CRY2: variants seen among roughly 807,000 people sequenced by gnomAD.
CRY2 encodes the protein cryptochrome circadian regulator 2.
A neutral mutation model predicts 69.5 loss-of-function variants in CRY2; 31 were observed. That is an observed-to-expected ratio of 0.45 (90% CI 0.34 to 0.60). CRY2 has a LOEUF of 0.60. Ranked by LOEUF, CRY2 falls within the 20% of genes least tolerant of loss-of-function variation. The pLI is 0.02. For synonymous variants in CRY2, 303 were observed against 312.2 expected (o/e 0.97, Z 0.31); for missense variants, 606 against 797.8 (o/e 0.76, Z 2.90).
chr11:45,866,041 A>C (rs896449156), intron 5 of CRY2, among the ~76,000 whole-genome samples: 4 of 152,228 alleles, frequency 2.6e-5, no homozygotes, highest in Non-Finnish European at 4.4e-5. Context: ...GATTTGGGAA[A>C]TATTTAGGCA....
At chr11:45,849,476 A>G (rs545503560) in intron 1 of CRY2, among the ~76,000 whole-genome samples, 1 of 152,306 alleles carries the variant, frequency 6.6e-6, no homozygotes, top group East Asian at 1.9e-4. Flanking sequence ...TTTACCAACA[A>G]ACAACCATAA....
chr11:45,869,432 T>C, intron 6 of CRY2, 74 bp from the exon 7 acceptor site: 1 of 1,482,060 alleles, frequency 6.7e-7, no homozygotes, highest in Non-Finnish European at 9.1e-7. Flanking sequence ...GATTCCTTTG[T>C]AGAAGAGACC....
intron 11 of CRY2, among the ~76,000 whole-genome samples, chr11:45,878,916 C>T (rs868866294): frequency 1.1e-3 from 89 of 80,824 alleles, no homozygotes; most frequent in African/African-American, 4.5e-3. Flanking sequence ...AAGACTCCAT[C>T]TATTAAAAAA....
intron 1 of CRY2, among the ~76,000 whole-genome samples, chr11:45,854,310 A>G (rs2086221904): frequency 2.6e-5 from 4 of 152,230 alleles, no homozygotes; most frequent in Admixed American, 2.6e-4. Flanking sequence ...TTGCTATTAG[A>G]GAACAGGATT....
At chr11:45,849,498 G>A (rs1413145268) in intron 1 of CRY2, among the ~76,000 whole-genome samples, 9 of 152,144 alleles carry the variant, frequency 5.9e-5, no homozygotes, top group East Asian at 3.8e-4. Flanking sequence ...TTAGTGAAAC[G>A]AAGTGCCATG....
chr11:45,866,946 ACT>A (rs1203535934), intron 5 of CRY2, among the ~76,000 whole-genome samples: 2 of 151,880 alleles, frequency 1.3e-5, no homozygotes, highest in African/African-American at 2.4e-5. Flanking sequence ...CAAGAGCAAA[ACT>A]CTGTCTCAAA....
At chr11:45,864,633 C>T (rs755631410) in intron 5 of CRY2, among the ~76,000 whole-genome samples, 4 of 151,686 alleles carry the variant, frequency 2.6e-5, no homozygotes, top group African/African-American at 7.3e-5. Flanking sequence ...TTTGGGAGGC[C>T]GAGGCAGGTG....
Position 45,861,042 on chromosome 11 carries a change from TC to T in CRY2, c.652+12del, listed in dbSNP as rs1353969219. On this transcript the variant is annotated intron_variant, in intron 4 of 11. Coordinates refer to ENST00000616080, the MANE Select transcript of CRY2 (RefSeq NM_021117.5). Reference sequence around the variant, plus strand: ...TCCCTGGAGGAGCTGGGTGCGTACTTCCTGCCCAGAGCCACTTGTGCTGGTG... The same window carrying T: ...TCCCTGGAGGAGCTGGGTGCGTACTTCTGCCCAGAGCCACTTGTGCTGGTG... 1 of 1,607,506 alleles carries T rather than the reference TC, an allele frequency of 6.2e-7. No homozygotes were observed. Among genetic ancestry groups the T allele is most frequent in the Admixed American group, 1.7e-5 (1 of 59,732 alleles).
At chr11:45,847,370 G>A, upstream of CRY2, 1 of 1,599,546 alleles carries the variant, frequency 6.3e-7, no homozygotes, top group Non-Finnish European at 8.5e-7. Context: ...GGGGCTCTGG[G>A]GCCCTGTGGG....
chr11:45,870,505 C>T lies in CRY2; in HGVS notation c.1522C>T (p.Gln508Ter), dbSNP rs1218096020. The T allele has an allele frequency of 6.2e-7, 1 of 1,614,170 alleles. No homozygotes were observed. Among genetic ancestry groups the T allele is most frequent in the East Asian group, 2.2e-5 (1 of 44,884 alleles). Residue 508 changes from glutamine (Q) to a stop codon, truncating the protein, a stop_gained, in exon 9 of 12, where the codon CAG becomes TAG. Coordinates refer to ENST00000616080, the MANE Select transcript of CRY2 (RefSeq NM_021117.5). LOFTEE classifies it high-confidence loss of function. The stretch of plus-strand genomic sequence containing the variant: ...CATTGAACGAATGAAGCAGATTTAC[C>T]AGCAGCTTTCGCGCTACCGGGGACT... ...LNIERMKQIY[Q>*]QLSRYRGLCL...
chr11:45,848,963 A>G (rs143458409), intron 1 of CRY2, among the ~76,000 whole-genome samples: 1 of 152,236 alleles, frequency 6.6e-6, no homozygotes, highest in East Asian at 1.9e-4. Context: ...AGTTTTCTAC[A>G]GATAGGAGGT....
intron 11 of CRY2, among the ~76,000 whole-genome samples, chr11:45,876,711 A>C (rs1332510703): frequency 6.6e-6 from 1 of 152,232 alleles, no homozygotes; most frequent in Non-Finnish European, 1.5e-5. Context: ...CTGACTGGGT[A>C]GATCATCGAG....
Position 45,862,161 on chromosome 11 carries a change from T to G in CRY2, c.741+13T>G. ...CTTGGAACGGAAGGTATGGGCCGTT[T>G]CTGAGACACAGAGCTGCAGATACTG... is the stretch of plus-strand genomic sequence containing the variant. On this transcript the variant is annotated intron_variant, in intron 5 of 11. Coordinates refer to ENST00000616080, the MANE Select transcript of CRY2 (RefSeq NM_021117.5). 6.2e-7 allele frequency: 1 copy of G among 1,610,750 alleles called. No individual in the cohort carries two copies. The highest frequency in any genetic ancestry group is 1.1e-5 in the South Asian group (1 of 90,672).
At chr11:45,862,173 A>G (rs2086293414) in intron 5 of CRY2, 25 bp downstream of exon 5, 11 of 1,602,602 alleles carry the variant, frequency 6.9e-6, no homozygotes, top group Non-Finnish European at 9.4e-6. Flanking sequence ...TGAGACACAG[A>G]GCTGCAGATA....
intron 2 of CRY2, among the ~76,000 whole-genome samples, chr11:45,856,634 A>C (rs561233787): frequency 6.6e-6 from 1 of 152,264 alleles, no homozygotes; most frequent in Admixed American, 6.5e-5. Flanking sequence ...GTCTCTACTA[A>C]AAATACAAAA....
intron 1 of CRY2, among the ~76,000 whole-genome samples, chr11:45,854,383 T>G (rs186909719): frequency 1.3e-5 from 2 of 152,086 alleles, no homozygotes; most frequent in African/African-American, 4.8e-5. Context: ...CAACTAGAAA[T>G]CTTTAGAAAT....
intron 11 of CRY2, among the ~76,000 whole-genome samples, chr11:45,877,982 A>G (rs2086436872): frequency 6.6e-6 from 1 of 152,206 alleles, no homozygotes; most frequent in South Asian, 2.1e-4. Flanking sequence ...TGAGTCCAGG[A>G]CACTGCCCCC....
rs1288978931 is a variant in CRY2, at chr11:45,881,795, C to A, written c.*884C>A. Reference sequence around the variant, plus strand: ...CTGACTCACTCTACCAGGAGGAGACCAGGTTGCAGTGGCGTAAGGCCCCCT... The same window carrying A: ...CTGACTCACTCTACCAGGAGGAGACAAGGTTGCAGTGGCGTAAGGCCCCCT... On this transcript the variant is annotated 3_prime_UTR_variant, in exon 12 of 12. Coordinates refer to ENST00000616080, the MANE Select transcript of CRY2 (RefSeq NM_021117.5). The A allele has an allele frequency of 6.6e-6, 1 of 152,230 alleles. No individual in the cohort carries two copies. The highest frequency in any genetic ancestry group is 1.5e-5 in the Non-Finnish European group (1 of 68,062). The allele number at this position is 152,230 out of a possible 1,614,324, so 9.4% of individuals were successfully genotyped here.
intron 2 of CRY2, among the ~76,000 whole-genome samples, chr11:45,857,582 A>G (rs1192046436): frequency 2.6e-5 from 4 of 152,176 alleles, no homozygotes; most frequent in Non-Finnish European, 4.4e-5. Context: ...GTGAGACAAC[A>G]TGGTTTCTGC....
Sources: allele counts gnomAD v4.1 joint callset (sites outside exome capture counted in the v4.1 genomes callset), GRCh38; gene constraint gnomAD v4.1.1; transcripts MANE v1.5; gene names NCBI Gene and HGNC (gene_info 2026-07-23, HGNC 2026-07-21).